Variants in ATG16L1 observed in about 807,000 individuals in gnomAD.
ATG16L1 encodes autophagy related 16 like 1, also known as autophagy-related protein 16-1.
ATG16L1 carries 37 observed loss-of-function variants against 88.5 expected under a neutral mutation model. The ratio of observed to expected loss-of-function variants is 0.42; its 90% CI spans 0.32 to 0.55. The LOEUF (loss-of-function observed/expected upper bound fraction) is 0.55, where lower values mean the gene tolerates loss of function less well. Among genes scored for constraint, ATG16L1 ranks in the 20% least tolerant of loss-of-function variants. The pLI is 0.13. For missense variants in ATG16L1, 554 were observed against 752.8 expected, an observed-to-expected ratio of 0.74 and a Z score of 3.09; for synonymous variants, 301 against 281.0, an observed-to-expected ratio of 1.07 and a Z score of -0.71.
intron 1 of ATG16L1, among the ~76,000 whole-genome samples, chr2:233,252,991 C>T (rs74925974): frequency 0.013 from 1,949 of 152,276 alleles, 20 homozygotes; most frequent in East Asian, 0.027. Flanking sequence ...ACATTAGAAT[C>T]ACCTATGGAT....
At position 233,251,824 on chromosome 2, in the gene ATG16L1, T is replaced by C; in HGVS notation, c.-4T>C. 1 of 1,549,696 alleles carries C rather than the reference T, an allele frequency of 6.5e-7. No individual in the cohort carries two copies. The highest frequency in any genetic ancestry group is 8.7e-7 in the Non-Finnish European group (1 of 1,146,760). ...GGCGCTGAGGTGCCGGGGCAGCAAGTGACATGTCGTCGGGCCTCCGCGCCG... is the reference window on the plus strand; with the variant it reads ...GGCGCTGAGGTGCCGGGGCAGCAAGCGACATGTCGTCGGGCCTCCGCGCCG... On this transcript the variant is annotated 5_prime_UTR_variant, in exon 1 of 18. Coordinates refer to ENST00000392017, the MANE Select transcript of ATG16L1 (RefSeq NM_030803.7).
chr2:233,277,823 G>A, intron 10 of ATG16L1, 150 bp downstream of exon 10: 1 of 668,580 alleles, frequency 1.5e-6, no homozygotes, highest in Non-Finnish European at 2.6e-6. Flanking sequence ...TTATGTAAGG[G>A]ATCGTTTGAC....
Position 233,295,642 on chromosome 2 carries a change from TAAAG to T in ATG16L1, c.*1296_*1299del, listed in dbSNP as rs1470790334. 1 of 152,764 alleles carries T rather than the reference TAAAG, an allele frequency of 6.5e-6. No homozygotes were observed. Among genetic ancestry groups the T allele is most frequent in the Admixed American group, 6.5e-5 (1 of 15,276 alleles). The allele number at this position is 152,764 out of a possible 1,614,324, so 9.5% of individuals were successfully genotyped here. On this transcript the variant is annotated 3_prime_UTR_variant, in exon 18 of 18. Transcript: ENST00000392017. ...AACAGAACTTGATTGTAAATAATAA[TAAAG>T]AAATCTGTTATATACTTTTCAAACT...
rs1039726640 is a variant in ATG16L1 at position 233,273,149 on chromosome 2, A to G, written c.794+97A>G. The G allele has an allele frequency of 1.2e-5, 11 of 939,794 alleles. No homozygotes were observed. The African/African-American group carries it at 1.8e-4, about 15-fold the overall frequency. The allele number at this position is 939,794 out of a possible 1,614,324, so 58.2% of individuals were successfully genotyped here. ...CAAAGAATGCAGTCAGATGCACCCA[A>G]CCCCTTACCCCTTTTCTGGGACACC... On this transcript the variant is annotated intron_variant, in intron 7 of 17. Coordinates refer to ENST00000392017, the MANE Select transcript of ATG16L1 (RefSeq NM_030803.7).
At chr2:233,253,503 G>T (rs143899585) in intron 1 of ATG16L1, among the ~76,000 whole-genome samples, 1 of 151,680 alleles carries the variant, frequency 6.6e-6, no homozygotes, top group Non-Finnish European at 1.5e-5. Context: ...GCACCGCCAC[G>T]CCCAGCTAAT....
intron 14 of ATG16L1, among the ~76,000 whole-genome samples, chr2:233,291,858 A>G (rs1699486640): frequency 6.6e-6 from 1 of 152,258 alleles, no homozygotes; most frequent in Admixed American, 6.5e-5. Context: ...CATGCTGATC[A>G]GAAACCGATG....
intron 9 of ATG16L1, among the ~76,000 whole-genome samples, chr2:233,276,938 C>G (rs190326651): frequency 1.8e-4 from 27 of 152,340 alleles, no homozygotes; most frequent in African/African-American, 6.3e-4. Flanking sequence ...AGGCACCATT[C>G]TGGGTTGCAA....
intron 6 of ATG16L1, 112 bp from the exon 7 acceptor site, chr2:233,272,854 G>T (rs1698085283): frequency 2.2e-6 from 2 of 899,424 alleles, no homozygotes; most frequent in Admixed American, 1.9e-5. Context: ...ACGCATTGCT[G>T]TCATAGCCAA....
intron 8 of ATG16L1, chr2:233,274,110 T>C: frequency 1.4e-6 from 2 of 1,414,652 alleles, no homozygotes; most frequent in Non-Finnish European, 1.9e-6. Context: ...CAATCACCGC[T>C]TCACTGCCCT....
intron 2 of ATG16L1, among the ~76,000 whole-genome samples, chr2:233,256,845 G>A (rs1320473417): frequency 6.6e-6 from 1 of 151,754 alleles, no homozygotes; most frequent in African/African-American, 2.4e-5. Flanking sequence ...GGGTCTACAG[G>A]AACCCACCAC....
chr2:233,259,105 G>A lies in ATG16L1; in HGVS notation c.209+2910G>A, dbSNP rs1222041523. On this transcript the variant is annotated intron_variant, in intron 2 of 17. Transcript: ENST00000392017. Reference sequence around the variant, plus strand: ...GGTTTTGTGAGAGTTTATTCATAACGTGGCCAAGCAAGGAGGCAGGAGAAC... The same window carrying A: ...GGTTTTGTGAGAGTTTATTCATAACATGGCCAAGCAAGGAGGCAGGAGAAC... Among the ~76,000 whole-genome samples the A allele has an allele frequency of 3.3e-5, 5 of 152,104 alleles. No homozygotes were observed. In the East Asian group the frequency reaches 7.7e-4, roughly 23 times the overall value.
At chr2:233,289,724 G>T in intron 12 of ATG16L1, 130 bp from the exon 13 acceptor site, 1 of 1,231,700 alleles carries the variant, frequency 8.1e-7, no homozygotes, top group South Asian at 1.3e-5. Flanking sequence ...TTATCGCTTT[G>T]AGTGTTCCTG....
chr2:233,258,562 C>T (rs1013076774), intron 2 of ATG16L1, among the ~76,000 whole-genome samples: 14 of 152,196 alleles, frequency 9.2e-5, no homozygotes, highest in African/African-American at 2.6e-4. Context: ...TCACCATTTT[C>T]GTCTAAATTC....
At chr2:233,269,055 T>C (rs189287225) in intron 5 of ATG16L1, among the ~76,000 whole-genome samples, 3 of 152,288 alleles carry the variant, frequency 2.0e-5, no homozygotes, top group African/African-American at 7.2e-5. Context: ...AATTTAGGAC[T>C]TGAATGAGAG....
At chr2:233,263,924 C>A in intron 3 of ATG16L1, 68 bp from the exon 4 acceptor site, 1 of 1,474,122 alleles carries the variant, frequency 6.8e-7, no homozygotes, top group Non-Finnish European at 9.4e-7. Context: ...AAATCGCCAC[C>A]CACTGTGTAG....
chr2:233,263,648 C>G (rs900917826), intron 3 of ATG16L1, among the ~76,000 whole-genome samples: 1 of 152,160 alleles, frequency 6.6e-6, no homozygotes, highest in Non-Finnish European at 1.5e-5. Flanking sequence ...GGTGGTCTTA[C>G]GGCAAAGCTC....
intron 1 of ATG16L1, among the ~76,000 whole-genome samples, chr2:233,252,395 A>C (rs1362477029): frequency 6.6e-6 from 1 of 151,254 alleles, no homozygotes; most frequent in Non-Finnish European, 1.5e-5. Flanking sequence ...GGGAAACGGG[A>C]TAGGGGATCA....
In ATG16L1 at chr2:233,269,907, T is replaced by C. The variant is rs7585617; in HGVS notation, c.642-95T>C. On this transcript the variant is annotated intron_variant, in intron 5 of 17. Coordinates refer to ENST00000392017, the MANE Select transcript of ATG16L1 (RefSeq NM_030803.7). ...TAGTTGTTATTTTACATGCACTGAA[T>C]GTGTTATTAGAACTGGTGGCTTCTA... The C allele has an allele frequency of 4.8e-4, 590 of 1,231,332 alleles. 6 individuals carry two copies. In the African/African-American group the frequency reaches 8.5e-3, roughly 18 times the overall value. 76.3% of individuals were successfully genotyped at this position (1,231,332 alleles called of 1,614,324 possible).
Position 233,292,256 on chromosome 2 carries a change from A to C in ATG16L1, c.1559A>C (p.Asn520Thr). ...CTAAAAGTTATTGATCTCCGAACAA[A>C]TGCTATCAAGCAGACATTCAGGTAA... ...DLLKVIDLRT[N>T]AIKQTFSAPG... The change falls in exon 15 of 18, where the codon AAT (asparagine) becomes ACT (threonine). Residue 520 changes from asparagine (N) to threonine (T), a missense_variant. Coordinates refer to ENST00000392017, the MANE Select transcript of ATG16L1 (RefSeq NM_030803.7). 1.9e-6 allele frequency: 3 copies of C among 1,614,248 alleles called. No homozygotes were observed. The highest frequency in any genetic ancestry group is 2.5e-6 in the Non-Finnish European group (3 of 1,180,046).
Sources: gnomAD v4.1 joint callset for allele counts (sites outside exome capture counted in the v4.1 genomes callset) on GRCh38, gnomAD v4.1.1 for gene constraint, MANE v1.5 for transcripts, NCBI Gene and HGNC (gene_info 2026-07-23, HGNC 2026-07-21) for gene names.